The following GRAMD4 variants were observed in gnomAD, a reference collection of about 807,000 sequenced individuals.
The protein encoded by GRAMD4 is GRAM domain-containing protein 4.
A neutral mutation model predicts 83.9 loss-of-function variants in GRAMD4; 25 were observed. That is an observed-to-expected ratio of 0.30 (90% CI 0.22 to 0.42). The LOEUF (loss-of-function observed/expected upper bound fraction) is 0.42, where lower values mean the gene tolerates loss of function less well. Ranked by LOEUF, GRAMD4 falls within the 10% of genes least tolerant of loss-of-function variation. The pLI is 1.00. For synonymous variants in GRAMD4, 336 were observed against 320.9 expected (o/e 1.05, Z -0.50); for missense variants, 593 against 788.7 (o/e 0.75, Z 2.97).
chr22:46,671,147 C>G (rs960158127), intron 13 of GRAMD4: 1 of 460,880 alleles, frequency 2.2e-6, no homozygotes, highest in African/African-American at 2.0e-5. Context: ...TGAGCTGTCC[C>G]TCCTGGGTCG....
downstream of GRAMD4, among the ~76,000 whole-genome samples, chr22:46,680,626 TCATCCCTC>T (rs2082660455): frequency 1.7e-4 from 1 of 5,760 alleles, no homozygotes; most frequent in African/African-American, 7.2e-4. Context: ...ACCCACCCAT[TCATCCCTC>T]CATCCATTCA....
chr22:46,583,772 T>G (rs1338163184), intron 1 of GRAMD4, among the ~76,000 whole-genome samples: 2 of 152,224 alleles, frequency 1.3e-5, no homozygotes, highest in African/African-American at 2.4e-5. Flanking sequence ...TGGTGCTGAC[T>G]TGGCCACCCA....
chr22:46,628,232 C>T (rs139503421), intron 2 of GRAMD4, among the ~76,000 whole-genome samples: 3 of 152,320 alleles, frequency 2.0e-5, no homozygotes, highest in Non-Finnish European at 2.9e-5. Context: ...GCTCCCTCTC[C>T]GCCATCCGTC....
Position 46,668,780 on chromosome 22 carries a change from G to C in GRAMD4, c.975-19G>C, listed in dbSNP as rs775268289. ...GCCCTGCGGCGCCCGCCCGGCCTGAGCCTCCCGTCTCCTTCCAGCTTGTTC... is the reference window on the plus strand; with the variant it reads ...GCCCTGCGGCGCCCGCCCGGCCTGACCCTCCCGTCTCCTTCCAGCTTGTTC... On this transcript the variant is annotated intron_variant, in intron 12 of 18. Transcript: ENST00000406902. 5.0e-6 allele frequency: 8 copies of C among 1,599,278 alleles called. No individual in the cohort carries two copies. The highest frequency in any genetic ancestry group is 6.0e-6 in the Non-Finnish European group (7 of 1,169,238).
chr22:46,663,954 A>T, intron 7 of GRAMD4, 72 bp from the exon 8 acceptor site: 1 of 1,571,776 alleles, frequency 6.4e-7, no homozygotes, highest in South Asian at 1.1e-5. Context: ...AGCTGAACCG[A>T]CTCTCCAGGG....
chr22:46,669,041 A>G (rs566262666), intron 13 of GRAMD4, 133 bp downstream of exon 13: 5 of 611,250 alleles, frequency 8.2e-6, no homozygotes, highest in Non-Finnish European at 1.5e-5. Context: ...TTTGTCACAA[A>G]TGTTTCAATT....
chr22:46,663,503 G>A lies in GRAMD4; in HGVS notation c.599+331G>A, dbSNP rs543977280. Among the ~76,000 whole-genome samples the A allele has an allele frequency of 9.8e-5, 15 of 152,346 alleles. No homozygotes were observed. The South Asian group carries it at 3.1e-3, about 32-fold the overall frequency. ...CAGTAAACCTTGGTTCCCCTGCCAG[G>A]TGCTGCCATAGGCCCTGGGGGTCCC... On this transcript the variant is annotated intron_variant, in intron 6 of 18. Coordinates refer to ENST00000406902, the MANE Select transcript of GRAMD4 (RefSeq NM_015124.5).
intron 1 of GRAMD4, among the ~76,000 whole-genome samples, chr22:46,611,868 G>T (rs1202556293): frequency 5.3e-5 from 8 of 151,074 alleles, no homozygotes; most frequent in Non-Finnish European, 7.4e-5. Flanking sequence ...ATGGTGGGGG[G>T]CACCTATAGT....
At chr22:46,580,577 C>G (rs1168185669) in intron 1 of GRAMD4, among the ~76,000 whole-genome samples, 1 of 152,218 alleles carries the variant, frequency 6.6e-6, no homozygotes. Context: ...CTGTCACCTG[C>G]TTGGAGCCCT....
rs1393335376 is a variant in GRAMD4 at position 46,621,551 on chromosome 22, G to A, written c.-50+986G>A. Among the ~76,000 whole-genome samples, 11 of 99,242 alleles carry A rather than the reference G, an allele frequency of 1.1e-4. No homozygotes were observed. Among genetic ancestry groups the A allele is most frequent in the South Asian group, 4.5e-4 (1 of 2,208 alleles). The allele number at this position is 99,242 out of a possible 152,430, so 65.1% of individuals were successfully genotyped here. On this transcript the variant is annotated intron_variant, in intron 1 of 18. Transcript: ENST00000406902. This position sits in a 1 kb window ranked among gnomAD's most constrained non-coding sequence, Gnocchi z 5.8. ...TACCCCGGTGCAGGCGCAGGCTGGA[G>A]GCGTAGCCCGGGCCCATCCCTGGCG...
chr22:46,674,525 C>G, intron 15 of GRAMD4, 132 bp from the exon 16 acceptor site: 8 of 739,252 alleles, frequency 1.1e-5, no homozygotes, highest in South Asian at 9.0e-5. Flanking sequence ...GCGCCTTCCT[C>G]TCACTGTGGG....
At chr22:46,587,215 G>A (rs542574768) in intron 1 of GRAMD4, among the ~76,000 whole-genome samples, 1 of 152,170 alleles carries the variant, frequency 6.6e-6, no homozygotes, top group Admixed American at 6.5e-5. Flanking sequence ...GTGTGTGCCC[G>A]CTGGGCTGTG....
At position 46,622,693 on chromosome 22, in the gene GRAMD4, C is replaced by T. The variant is rs1013649130; in HGVS notation, c.-50+2128C>T. ...CTTTGGGAGGCCGAGGCGGGTGGAT[C>T]ACGAGGTCAGGAGATTGAGACCATC... On this transcript the variant is annotated intron_variant, in intron 1 of 18. Transcript: ENST00000406902. The surrounding 1 kb of genome is among the most constrained non-coding windows in gnomAD (Gnocchi z 4.0). Among the ~76,000 whole-genome samples the T allele has an allele frequency of 6.6e-6, 1 of 152,116 alleles. No individual in the cohort carries two copies. Among genetic ancestry groups the T allele is most frequent in the South Asian group, 2.1e-4 (1 of 4,832 alleles).
chr22:46,595,276 A>G (rs1456630896), intron 1 of GRAMD4, among the ~76,000 whole-genome samples: 1 of 152,188 alleles, frequency 6.6e-6, no homozygotes, highest in African/African-American at 2.4e-5. Context: ...GTTCTGGAAC[A>G]ATCCAGACGG....
intron 1 of GRAMD4, among the ~76,000 whole-genome samples, chr22:46,608,976 C>T (rs113458660): frequency 8.6e-5 from 13 of 151,266 alleles, no homozygotes; most frequent in Middle Eastern, 3.4e-3. Context: ...GGCTGAGTTG[C>T]GAGGATCACT....
At chr22:46,602,711 A>G (rs797001966) in intron 1 of GRAMD4, among the ~76,000 whole-genome samples, 9 of 150,950 alleles carry the variant, frequency 6.0e-5, no homozygotes, top group African/African-American at 2.2e-4. Context: ...AATCATCTTT[A>G]CATTTGTTTA....
chr22:46,623,456 C>T (rs993283181), intron 1 of GRAMD4, among the ~76,000 whole-genome samples: 4 of 152,180 alleles, frequency 2.6e-5, no homozygotes, highest in Non-Finnish European at 4.4e-5. Flanking sequence ...GGTGCAGTCT[C>T]GGCTCATTGC....
intron 11 of GRAMD4, 106 bp downstream of exon 11, chr22:46,668,273 T>TCGGAA: frequency 1.4e-6 from 1 of 728,164 alleles, no homozygotes; most frequent in Non-Finnish European, 2.4e-6. Context: ...CCTCCGCTGC[T>TCGGAA]GCCTGGGGAG....
At chr22:46,654,439 C>T (rs35449602) in intron 3 of GRAMD4, among the ~76,000 whole-genome samples, 47,626 of 152,100 alleles carry the variant, frequency 0.31, 7,647 homozygotes, top group Middle Eastern at 0.42. Flanking sequence ...CTTGGCAGAG[C>T]CCGGCGTGTG....
Sources: allele counts gnomAD v4.1 joint callset (sites outside exome capture counted in the v4.1 genomes callset), GRCh38; gene constraint gnomAD v4.1.1; non-coding constraint Gnocchi (gnomAD v3.1); transcripts MANE v1.5; gene names NCBI Gene and HGNC (gene_info 2026-07-23, HGNC 2026-07-21).